Variants in GLB1 observed in about 807,000 individuals in gnomAD.
GLB1 encodes galactosidase beta 1.
Under a neutral mutation model 74.0 loss-of-function variants are expected in GLB1, and 56 were observed. The ratio of observed to expected loss-of-function variants is 0.76; its 90% CI spans 0.61 to 0.94. GLB1 has a LOEUF of 0.94. Among genes scored for constraint, GLB1 ranks in the 40% least tolerant of loss-of-function variants. The probability of loss-of-function intolerance (pLI) is 0.00; values close to 1 mark genes in which losing one functional copy is unlikely to be tolerated. For synonymous variants in GLB1, 323 were observed against 323.6 expected (o/e 1.00, Z 0.02); for missense variants, 787 against 845.5 (o/e 0.93, Z 0.86).
chr3:33,017,114 C>T (rs1697265655), intron 13 of GLB1, among the ~76,000 whole-genome samples: 1 of 152,180 alleles, frequency 6.6e-6, no homozygotes, highest in African/African-American at 2.4e-5. Flanking sequence ...TTACTGCCAA[C>T]TACTTTTAGT....
At chr3:32,970,044 G>T in the GLB1 span, among the ~76,000 whole-genome samples, 1 of 152,220 alleles carries the variant, frequency 6.6e-6, no homozygotes, top group Non-Finnish European at 1.5e-5. Flanking sequence ...CCTGGACAGA[G>T]AAGGCACTAG....
intron 10 of GLB1, among the ~76,000 whole-genome samples, chr3:33,028,982 A>G (rs1484883204): frequency 5.3e-5 from 8 of 151,928 alleles, no homozygotes; most frequent in Non-Finnish European, 7.4e-5. Context: ...CCAATTTTCT[A>G]TGTAGATCTT....
chr3:32,982,188 C>T, the GLB1 span, among the ~76,000 whole-genome samples: 3 of 151,886 alleles, frequency 2.0e-5, no homozygotes, highest in African/African-American at 7.3e-5. Flanking sequence ...TGGCGCATGC[C>T]TGTAATCACA....
chr3:33,075,667 C>T (rs550566168), intron 1 of GLB1, among the ~76,000 whole-genome samples: 2 of 152,192 alleles, frequency 1.3e-5, no homozygotes, highest in East Asian at 3.9e-4. Context: ...GGCAGGGAAC[C>T]CAGGCATGGC....
At chr3:32,987,919 T>C in the GLB1 span, among the ~76,000 whole-genome samples, 1 of 152,066 alleles carries the variant, frequency 6.6e-6, no homozygotes, top group African/African-American at 2.4e-5. Context: ...GTACGGTGGC[T>C]CATGCCTGTA....
intron 10 of GLB1, among the ~76,000 whole-genome samples, chr3:33,042,286 A>C (rs1324176017): frequency 1.3e-5 from 2 of 151,944 alleles, no homozygotes; most frequent in Non-Finnish European, 2.9e-5. Flanking sequence ...CATTACATTC[A>C]GAGTAAAAGC....
chr3:33,087,273 C>CA (rs1700545025), intron 1 of GLB1, among the ~76,000 whole-genome samples: 1 of 151,912 alleles, frequency 6.6e-6, no homozygotes, highest in Non-Finnish European at 1.5e-5. Flanking sequence ...AATCAGTCAT[C>CA]AAAAACCTCA....
chr3:32,964,563 T>A, the GLB1 span, among the ~76,000 whole-genome samples: 2 of 152,204 alleles, frequency 1.3e-5, no homozygotes, highest in Non-Finnish European at 2.9e-5. Flanking sequence ...CTAATTGAAA[T>A]GTGATAGGCA....
intron 10 of GLB1, among the ~76,000 whole-genome samples, chr3:33,028,196 G>A (rs752605711): frequency 9.9e-5 from 15 of 152,266 alleles, no homozygotes; most frequent in African/African-American, 3.1e-4. Context: ...GAGCTACCAC[G>A]CCCAGCACAT....
At chr3:33,039,159 G>A (rs1472164557) in intron 10 of GLB1, among the ~76,000 whole-genome samples, 2 of 151,982 alleles carry the variant, frequency 1.3e-5, no homozygotes, top group East Asian at 3.9e-4. Flanking sequence ...GTGTGGTGGT[G>A]CACAGCTGTA....
intron 10 of GLB1, 168 bp from the exon 11 acceptor site, chr3:33,024,493 A>AT: frequency 1.5e-6 from 1 of 677,362 alleles, no homozygotes; most frequent in African/African-American, 1.8e-5. Flanking sequence ...GATCTGGTAA[A>AT]TTTTTTACCT....
intron 10 of GLB1, among the ~76,000 whole-genome samples, chr3:33,028,172 G>A (rs1697851740): frequency 6.6e-6 from 1 of 152,098 alleles, no homozygotes; most frequent in Non-Finnish European, 1.5e-5. Context: ...CCAAAGTGCT[G>A]GAATTACAGG....
intron 6 of GLB1, among the ~76,000 whole-genome samples, chr3:33,056,208 C>G (rs1412932421): frequency 1.1e-5 from 1 of 93,404 alleles, no homozygotes; most frequent in African/African-American, 4.1e-5. Context: ...GCCTGGGCAA[C>G]AAGAGCGAAA....
At chr3:32,991,306 GC>G in the GLB1 span, among the ~76,000 whole-genome samples, 1 of 152,180 alleles carries the variant, frequency 6.6e-6, no homozygotes, top group Non-Finnish European at 1.5e-5. Context: ...TTAGCCAATG[GC>G]CTCCTGCTCC....
intron 15 of GLB1, among the ~76,000 whole-genome samples, chr3:33,004,235 G>A (rs1696698112): frequency 6.6e-6 from 1 of 152,186 alleles, no homozygotes; most frequent in African/African-American, 2.4e-5. Flanking sequence ...CTAGCTTGCT[G>A]GATGATGAAA....
intron 14 of GLB1, among the ~76,000 whole-genome samples, chr3:33,015,169 G>A (rs1697190064): frequency 6.6e-6 from 1 of 152,118 alleles, no homozygotes; most frequent in Admixed American, 6.6e-5. Flanking sequence ...GGAATCTGGG[G>A]ACAGAAGGAA....
At chr3:33,005,993 T>G (rs555696545) in intron 15 of GLB1, among the ~76,000 whole-genome samples, 51 of 152,322 alleles carry the variant, frequency 3.3e-4, no homozygotes, top group Non-Finnish European at 6.8e-4. Context: ...TAAGGAAAAA[T>G]GGACACTATC....
At chr3:33,054,355 G>A (rs1699129596) in intron 6 of GLB1, among the ~76,000 whole-genome samples, 1 of 152,138 alleles carries the variant, frequency 6.6e-6, no homozygotes, top group South Asian at 2.1e-4. Flanking sequence ...GAAGATGTGT[G>A]TGGACCAGAG....
intron 12 of GLB1, among the ~76,000 whole-genome samples, chr3:33,019,487 C>A (rs1697380017): frequency 6.6e-6 from 1 of 152,088 alleles, no homozygotes; most frequent in Non-Finnish European, 1.5e-5. Flanking sequence ...AAAAGTTTCC[C>A]TACTTCTAGG....
Sources: allele counts gnomAD v4.1 joint callset (sites outside exome capture counted in the v4.1 genomes callset), GRCh38; gene constraint gnomAD v4.1.1; transcripts MANE v1.5; gene names NCBI Gene and HGNC (gene_info 2026-07-23, HGNC 2026-07-21).